Variants in DAB1 observed in about 807,000 individuals in gnomAD.
DAB1 encodes DAB adaptor protein 1.
Under a neutral mutation model 64.6 loss-of-function variants are expected in DAB1, and 15 were observed. That is an observed-to-expected ratio of 0.23 (90% confidence interval 0.16 to 0.36). The LOEUF (loss-of-function observed/expected upper bound fraction) is 0.36. Ranked by LOEUF, DAB1 falls within the 10% of genes least tolerant of loss-of-function variation. The pLI is 1.00. For missense variants in DAB1, 596 were observed against 706.7 expected (o/e 0.84, Z 1.78); for synonymous variants, 235 against 251.9 (o/e 0.93, Z 0.64).
chr1:58,140,353 T>G (rs1654214262), intron 5 of DAB1, among the ~76,000 whole-genome samples: 1 of 152,170 alleles, frequency 6.6e-6, no homozygotes, highest in African/African-American at 2.4e-5. Flanking sequence ...TATAATCAGG[T>G]ATCCATCTGC....
chr1:57,493,694 TG>T (rs1194035688), intron 7 of DAB1, among the ~76,000 whole-genome samples: 1 of 151,274 alleles, frequency 6.6e-6, no homozygotes, highest in East Asian at 1.9e-4. Context: ...AAGTATTCAG[TG>T]GAAGGAAGGG....
At chr1:57,904,907 G>T (rs1644528618) in intron 5 of DAB1, among the ~76,000 whole-genome samples, 1 of 152,100 alleles carries the variant, frequency 6.6e-6, no homozygotes, top group Admixed American at 6.6e-5. Context: ...AGAATCTTAA[G>T]CACAAGAATG....
chr1:57,638,519 G>C (rs1646087855), intron 7 of DAB1, among the ~76,000 whole-genome samples: 1 of 151,850 alleles, frequency 6.6e-6, no homozygotes, highest in Admixed American at 6.6e-5. Context: ...CACAAATGCT[G>C]TCATCATCAT....
At chr1:57,425,067 T>C (rs1556586), upstream of DAB1, among the ~76,000 whole-genome samples, 46,729 of 152,004 alleles carry the variant, frequency 0.31, 7,670 homozygotes, top group Non-Finnish European at 0.38. Context: ...TTCTTCCACC[T>C]TGAGACTAGA....
At chr1:57,852,874 TGTGACA>T (rs1653594595) in intron 1 of DAB1, among the ~76,000 whole-genome samples, 1 of 152,164 alleles carries the variant, frequency 6.6e-6, no homozygotes, top group African/African-American at 2.4e-5. Context: ...CTGTTTTGTT[TGTGACA>T]GCAGTATCCT....
At chr1:57,389,480 G>A (rs1027758544) in intron 1 of DAB1, among the ~76,000 whole-genome samples, 3 of 152,112 alleles carry the variant, frequency 2.0e-5, no homozygotes, top group Non-Finnish European at 4.4e-5. Flanking sequence ...TTCAACTAAG[G>A]GAAACACACC....
intron 5 of DAB1, chr1:58,074,425 T>G (rs1649463129): frequency 1.3e-5 from 2 of 148,816 alleles, no homozygotes; most frequent in Non-Finnish European, 3.0e-5. Context: ...AAAGAATAAT[T>G]GTAAGTATCC....
intron 6 of DAB1, among the ~76,000 whole-genome samples, chr1:57,707,071 T>C (rs1424540579): frequency 6.6e-6 from 1 of 151,910 alleles, no homozygotes; most frequent in Non-Finnish European, 1.5e-5. Context: ...TGAAACTCCA[T>C]CTCAAAAACA....
chr1:57,305,541 C>T (rs1398879248), intron 1 of DAB1, among the ~76,000 whole-genome samples: 1 of 152,148 alleles, frequency 6.6e-6, no homozygotes, highest in Non-Finnish European at 1.5e-5. Context: ...CAGAAGACAA[C>T]CAAAGGCCCA....
chr1:58,049,199 T>C, intron 5 of DAB1: 1 of 767,838 alleles, frequency 1.3e-6, no homozygotes, highest in Non-Finnish European at 2.4e-6. Flanking sequence ...CAAAATGGCT[T>C]CTCAGGTTCT....
At chr1:58,404,321 A>C (rs1279441085) in intron 3 of DAB1, among the ~76,000 whole-genome samples, 1 of 152,202 alleles carries the variant, frequency 6.6e-6, no homozygotes, top group Non-Finnish European at 1.5e-5. Context: ...CAGCTTTCAC[A>C]AGCAGATGAA....
intron 4 of DAB1, among the ~76,000 whole-genome samples, chr1:57,084,882 G>A (rs143953792): frequency 4.2e-4 from 64 of 152,234 alleles, no homozygotes; most frequent in African/African-American, 1.5e-3. Context: ...TGAGGTGGTG[G>A]GCTGAGCTCT....
chr1:58,265,485 A>G (rs1316213617), intron 4 of DAB1, among the ~76,000 whole-genome samples: 1 of 152,224 alleles, frequency 6.6e-6, no homozygotes, highest in African/African-American at 2.4e-5. Flanking sequence ...ACTTCCATTG[A>G]CATTGCACTG....
chr1:58,131,442 C>G (rs1653564227), intron 5 of DAB1, among the ~76,000 whole-genome samples: 2 of 143,896 alleles, frequency 1.4e-5, no homozygotes, highest in Non-Finnish European at 3.1e-5. Context: ...TCGTCTGAAG[C>G]CTTCTTCTCT....
At chr1:58,120,045 G>A (rs1373733675) in intron 5 of DAB1, among the ~76,000 whole-genome samples, 1 of 152,134 alleles carries the variant, frequency 6.6e-6, no homozygotes, top group East Asian at 1.9e-4. Flanking sequence ...TGGTCCCAGA[G>A]CCTGAAATGT....
intron 5 of DAB1, among the ~76,000 whole-genome samples, chr1:57,924,172 C>T (rs1644847463): frequency 1.3e-5 from 2 of 152,202 alleles, no homozygotes; most frequent in African/African-American, 4.8e-5. Context: ...AGTTAATGAG[C>T]ACCACTGTTT....
intron 4 of DAB1, among the ~76,000 whole-genome samples, chr1:58,293,872 A>T (rs1212483585): frequency 2.0e-5 from 3 of 152,242 alleles, no homozygotes; most frequent in African/African-American, 7.2e-5. Context: ...AAATCTGCTT[A>T]GCACTCTTTA....
intron 9 of DAB1, among the ~76,000 whole-genome samples, chr1:57,059,795 T>C (rs1650194089): frequency 6.6e-6 from 1 of 152,180 alleles, no homozygotes. Flanking sequence ...ATCGAAATTC[T>C]CATAGGTAGG....
chr1:57,492,767 C>G (rs1053189119), intron 7 of DAB1, among the ~76,000 whole-genome samples: 1 of 152,128 alleles, frequency 6.6e-6, no homozygotes, highest in Non-Finnish European at 1.5e-5. Flanking sequence ...TCTTGAGCTC[C>G]GGGCTCCAGT....
Sources: allele counts gnomAD v4.1 joint callset (sites outside exome capture counted in the v4.1 genomes callset), GRCh38; gene constraint gnomAD v4.1.1; transcripts MANE v1.5; gene names NCBI Gene and HGNC (gene_info 2026-07-23, HGNC 2026-07-21).